The following SLC25A20 variants were observed in gnomAD, a reference collection of about 807,000 sequenced individuals.
SLC25A20 encodes the protein mitochondrial carnitine/acylcarnitine carrier protein.
SLC25A20 carries 29 observed loss-of-function variants against 39.7 expected under a neutral mutation model. The ratio of observed to expected loss-of-function variants is 0.73; its 90% CI spans 0.54 to 1.00. SLC25A20 has a LOEUF of 1.00. Among genes scored for constraint, SLC25A20 ranks in the 50% least tolerant of loss-of-function variants. The pLI, the probability that SLC25A20 is intolerant of heterozygous loss-of-function variation, is 0.00. For synonymous variants in SLC25A20, 103 were observed against 142.2 expected, an observed-to-expected ratio of 0.72 and a Z score of 1.96; for missense variants, 333 against 379.9, an observed-to-expected ratio of 0.88 and a Z score of 1.03.
intron 4 of SLC25A20, among the ~76,000 whole-genome samples, chr3:48,877,028 A>G (rs1013067071): frequency 6.6e-6 from 1 of 151,980 alleles, no homozygotes; most frequent in Non-Finnish European, 1.5e-5. Flanking sequence ...GCCAGGAGGC[A>G]GAGGTTGCAG....
intron 4 of SLC25A20, among the ~76,000 whole-genome samples, chr3:48,871,982 ATTT>A (rs71077746): frequency 1.8e-5 from 1 of 56,668 alleles, no homozygotes; most frequent in Admixed American, 3.2e-4. Context: ...TGCCCAGCTA[ATTT>A]TTTTTTTTTT....
intron 4 of SLC25A20, among the ~76,000 whole-genome samples, chr3:48,876,342 CAAA>C (rs796648485): frequency 1.7e-5 from 1 of 58,616 alleles, no homozygotes. Flanking sequence ...GACTCCATCT[CAAA>C]AAAAAAAAAA....
At chr3:48,875,263 T>C (rs1427832518) in intron 4 of SLC25A20, among the ~76,000 whole-genome samples, 1 of 151,216 alleles carries the variant, frequency 6.6e-6, no homozygotes, top group Non-Finnish European at 1.5e-5. Flanking sequence ...CTACCACACC[T>C]GGCTAATTTT....
At chr3:48,896,587 T>C (rs1436347044) in intron 1 of SLC25A20, among the ~76,000 whole-genome samples, 1 of 152,108 alleles carries the variant, frequency 6.6e-6, no homozygotes, top group Non-Finnish European at 1.5e-5. Flanking sequence ...CTCAGCTCAC[T>C]GCAACCTCCG....
At chr3:48,867,954 G>A (rs2083684932) in intron 4 of SLC25A20, among the ~76,000 whole-genome samples, 2 of 151,900 alleles carry the variant, frequency 1.3e-5, no homozygotes, top group Admixed American at 1.3e-4. Flanking sequence ...CCGGCTACTC[G>A]GGAGGCTGCG....
At chr3:48,870,185 AG>A (rs2083703109) in intron 4 of SLC25A20, among the ~76,000 whole-genome samples, 1 of 152,180 alleles carries the variant, frequency 6.6e-6, no homozygotes, top group Non-Finnish European at 1.5e-5. Flanking sequence ...GGATCACTTG[AG>A]GTCAGGAATT....
chr3:48,873,785 G>C (rs1024180844), intron 4 of SLC25A20, among the ~76,000 whole-genome samples: 2 of 149,890 alleles, frequency 1.3e-5, no homozygotes, highest in African/African-American at 4.9e-5. Context: ...CGAGATCACG[G>C]TGAAACCCCG....
chr3:48,895,782 C>T (rs1414800333), intron 1 of SLC25A20: 1 of 456,388 alleles, frequency 2.2e-6, no homozygotes, highest in Non-Finnish European at 4.4e-6. Context: ...CTCATATTGT[C>T]CTTCAGATCT....
chr3:48,896,190 T>C lies in SLC25A20; in HGVS notation c.105+2500A>G, dbSNP rs1575994783. ...GACTAATACCTTGTTGTGATTTTTT[T>C]TTTCTTTTGAGACAGTGTCTCATTC... is the stretch of plus-strand genomic sequence containing the variant. On this transcript the variant is annotated intron_variant, in intron 1 of 8. Coordinates refer to ENST00000319017, the MANE Select transcript of SLC25A20 (RefSeq NM_000387.6). Among the ~76,000 whole-genome samples the C allele has an allele frequency of 2.6e-5, 4 of 152,078 alleles. No individual in the cohort carries two copies. In the South Asian group the frequency reaches 8.3e-4, roughly 32 times the overall value.
At chr3:48,876,094 G>A (rs1575985919) in intron 4 of SLC25A20, among the ~76,000 whole-genome samples, 1 of 151,994 alleles carries the variant, frequency 6.6e-6, no homozygotes, top group Non-Finnish European at 1.5e-5. Flanking sequence ...TATAATCCCA[G>A]CACTCTGGGA....
In SLC25A20 at chr3:48,892,004, ACAGT is replaced by A; in HGVS notation, c.170_173del (p.Asp57ValfsTer71). 1.2e-6 allele frequency: 2 copies of A among 1,613,994 alleles called. No homozygotes were observed. Among genetic ancestry groups the A allele is most frequent in the Non-Finnish European group, 1.7e-6 (2 of 1,179,888 alleles). On this transcript the variant is annotated frameshift_variant, in exon 2 of 9. Transcript: ENST00000319017. LOFTEE classifies it high-confidence loss of function. ...CCTCTCTAAAAAGAGTCTTCCGGAA[ACAGT>A]CAAAGGTCCCAGAGTACATGGGAGG...
At chr3:48,886,606 A>G (rs2083831546) in intron 2 of SLC25A20, among the ~76,000 whole-genome samples, 1 of 152,062 alleles carries the variant, frequency 6.6e-6, no homozygotes, top group Admixed American at 6.6e-5. Flanking sequence ...AAACAGCATA[A>G]ACAACTGAAA....
At chr3:48,874,736 C>T (rs540369030) in intron 4 of SLC25A20, among the ~76,000 whole-genome samples, 5 of 151,962 alleles carry the variant, frequency 3.3e-5, no homozygotes, top group Admixed American at 6.6e-5. Context: ...TGTGATAATA[C>T]GAATGAATCT....
At chr3:48,859,498 G>C in intron 6 of SLC25A20, 57 bp downstream of exon 6, 1 of 1,379,966 alleles carries the variant, frequency 7.2e-7, no homozygotes, top group Non-Finnish European at 1.0e-6. Flanking sequence ...TCACCCACAG[G>C]AGAGGGCAAC....
chr3:48,894,621 G>A (rs1056293721), intron 1 of SLC25A20, among the ~76,000 whole-genome samples: 2 of 151,756 alleles, frequency 1.3e-5, no homozygotes, highest in Non-Finnish European at 2.9e-5. Flanking sequence ...GGGGTAAGTT[G>A]GTTTGGTTTT....
Position 48,858,608 on chromosome 3 carries a change from C to T in SLC25A20, c.742G>A (p.Gly248Ser). 2 of 1,614,146 alleles carry T rather than the reference C, an allele frequency of 1.2e-6. No homozygotes were observed. The highest frequency in any genetic ancestry group is 1.7e-6 in the Non-Finnish European group (2 of 1,180,034). The stretch of plus-strand genomic sequence containing the variant: ...AGCTCCCTCAGCACATCTCTGAAAC[C>T]ATTAGGATATTTCCCAGGAGGTGCT... ...QTAPPGKYPN[G>S]FRDVLRELIR... is the part of the protein sequence containing the mutation. The change falls in exon 8 of 9, where the codon GGT (glycine) becomes AGT (serine). Residue 248 changes from glycine (G) to serine (S), a missense_variant. Physicochemically the swap from Gly to Ser is moderately conservative, Grantham distance 56 (BLOSUM62 0). Transcript: ENST00000319017.
chr3:48,898,524 G>A (rs1304552045), intron 1 of SLC25A20, among the ~76,000 whole-genome samples, 166 bp downstream of exon 1: 5 of 152,324 alleles, frequency 3.3e-5, no homozygotes, highest in African/African-American at 1.2e-4. Context: ...TCTTTGGGGC[G>A]CAAGGTACAG....
intron 5 of SLC25A20, 79 bp from the exon 6 acceptor site, chr3:48,859,706 C>CTA: frequency 8.8e-7 from 1 of 1,136,498 alleles, no homozygotes; most frequent in Non-Finnish European, 1.3e-6. Flanking sequence ...GTAATCTCAG[C>CTA]AATTTAGGAG....
chr3:48,857,065 G>A lies in SLC25A20; in HGVS notation c.*645C>T, dbSNP rs2083585274. ...TGGGACTGTCCTCACTGTGTAGGAGGGAAAGTTCTCCACCTGCTCCCAGAA... is the reference window on the plus strand; with the variant it reads ...TGGGACTGTCCTCACTGTGTAGGAGAGAAAGTTCTCCACCTGCTCCCAGAA... On this transcript the variant is annotated 3_prime_UTR_variant, in exon 9 of 9. Transcript: ENST00000319017. 6.4e-6 allele frequency: 1 copy of A among 155,778 alleles called. No individual in the cohort carries two copies. The highest frequency in any genetic ancestry group is 1.4e-5 in the Non-Finnish European group (1 of 70,264). 9.6% of individuals were successfully genotyped at this position (155,778 alleles called of 1,614,324 possible). A position where few individuals can be genotyped will look rare whatever the true frequency, so the allele number is the denominator to read the frequency against.
Sources: gnomAD v4.1 joint callset for allele counts (sites outside exome capture counted in the v4.1 genomes callset) on GRCh38, gnomAD v4.1.1 for gene constraint, MANE v1.5 for transcripts, NCBI Gene and HGNC (gene_info 2026-07-23, HGNC 2026-07-21) for gene names.